Variants in OR51B5 observed in about 807,000 individuals in gnomAD.
OR51B5 encodes olfactory receptor family 51 subfamily B member 5, also known as olfactory receptor 51B5.
For missense variants in OR51B5, 456 were observed against 374.6 expected, an observed-to-expected ratio of 1.22 and a Z score of -1.79; for synonymous variants, 186 against 144.8, an observed-to-expected ratio of 1.28 and a Z score of -2.04.
chr11:5,356,204 T>C (rs929120029), intron 1 of OR51B5, among the ~76,000 whole-genome samples: 13 of 151,994 alleles, frequency 8.6e-5, no homozygotes, highest in Non-Finnish European at 1.6e-4. Flanking sequence ...CTCGAACCCA[T>C]GGCAAAAAAG....
chr11:5,362,734 G>T, intron 1 of OR51B5: 2 of 223,328 alleles, frequency 9.0e-6, no homozygotes, highest in Non-Finnish European at 9.3e-6. Context: ...TTGTTTACGA[G>T]GTCACCTCTA....
chr11:5,424,734 C>G (rs1850416427), intron 1 of OR51B5, among the ~76,000 whole-genome samples: 1 of 150,668 alleles, frequency 6.6e-6, no homozygotes, highest in Non-Finnish European at 1.5e-5. Flanking sequence ...GTAATCCCAG[C>G]ACTTTGGGAG....
intron 1 of OR51B5, chr11:5,392,709 G>A (rs11037205): frequency 0.13 from 19,374 of 152,260 alleles, 1,352 homozygotes; most frequent in Non-Finnish European, 0.16. Flanking sequence ...TCAGGAGATC[G>A]AGACCATCCT....
intron 1 of OR51B5, among the ~76,000 whole-genome samples, chr11:5,377,898 A>G (rs1267409475): frequency 2.0e-5 from 3 of 152,214 alleles, no homozygotes; most frequent in Non-Finnish European, 2.9e-5. Context: ...AAGGTAATTT[A>G]TAGATTCAAT....
intron 1 of OR51B5, among the ~76,000 whole-genome samples, chr11:5,493,468 A>C (rs1225379913): frequency 6.6e-6 from 1 of 152,246 alleles, no homozygotes; most frequent in Non-Finnish European, 1.5e-5. Flanking sequence ...ATAAAGAATT[A>C]TCTCAACTCC....
chr11:5,487,636 A>G (rs956671313), intron 1 of OR51B5, among the ~76,000 whole-genome samples: 6 of 152,182 alleles, frequency 3.9e-5, no homozygotes, highest in African/African-American at 1.2e-4. Flanking sequence ...CAATGTGTAT[A>G]ATACTAGCTA....
At chr11:5,343,657 G>GTGAT (rs1158945578), upstream of OR51B5, 15 of 542,348 alleles carry the variant, frequency 2.8e-5, no homozygotes, top group South Asian at 9.1e-5. Flanking sequence ...ATCAATATAA[G>GTGAT]TGATTGTTTC....
At chr11:5,367,440 A>T (rs1220508145) in intron 1 of OR51B5, among the ~76,000 whole-genome samples, 1 of 152,160 alleles carries the variant, frequency 6.6e-6, no homozygotes, top group African/African-American at 2.4e-5. Flanking sequence ...CAAGGGGTGG[A>T]TTATTCATGC....
chr11:5,478,811 A>T (rs1253902204), intron 1 of OR51B5, among the ~76,000 whole-genome samples: 1 of 150,504 alleles, frequency 6.6e-6, no homozygotes, highest in Non-Finnish European at 1.5e-5. Flanking sequence ...AGTTTAGAGA[A>T]AAAAGAATAA....
At chr11:5,366,502 A>T (rs1239813991) in intron 1 of OR51B5, among the ~76,000 whole-genome samples, 1 of 152,062 alleles carries the variant, frequency 6.6e-6, no homozygotes, top group Non-Finnish European at 1.5e-5. Context: ...GCAGCTACAC[A>T]GGAGGCTGAG....
rs756282970 is a variant in OR51B5 at position 5,441,358 on chromosome 11, A to G, written n.84+64211T>C. On this transcript the variant is annotated intron_variant and non_coding_transcript_variant, in intron 1 of 4. Coordinates refer to the OR51B5 transcript ENST00000415970. ...ATGGGCTGATGCAGAGCAGGCTCCC[A>G]AAACACCAGAGTGAGAATGCTGAGG... 7 of 1,614,006 alleles carry G rather than the reference A, an allele frequency of 4.3e-6. 1 individual carries two copies. In the South Asian group the frequency reaches 7.7e-5, roughly 18 times the overall value.
intron 1 of OR51B5, among the ~76,000 whole-genome samples, chr11:5,428,149 G>A (rs1850477067): frequency 6.7e-6 from 1 of 148,926 alleles, no homozygotes. Context: ...CAAAAGACAT[G>A]CTCAACAAGT....
chr11:5,460,629 G>T (rs1221467573), intron 1 of OR51B5, among the ~76,000 whole-genome samples: 1 of 152,096 alleles, frequency 6.6e-6, no homozygotes, highest in Non-Finnish European at 1.5e-5. Flanking sequence ...AGCTGGTTCA[G>T]TCACTGGTAG....
chr11:5,344,107 C>A (rs1848951404), upstream of OR51B5, among the ~76,000 whole-genome samples: 2 of 152,194 alleles, frequency 1.3e-5, no homozygotes, highest in South Asian at 4.1e-4. Flanking sequence ...GACACTTGGC[C>A]TCCAGATTTC....
chr11:5,448,299 A>G (rs978306373), intron 1 of OR51B5, among the ~76,000 whole-genome samples: 2 of 152,186 alleles, frequency 1.3e-5, no homozygotes, highest in Non-Finnish European at 2.9e-5. Context: ...GAGTCACTTA[A>G]TATGATCCAC....
chr11:5,348,405 A>G (rs1253904433), upstream of OR51B5, among the ~76,000 whole-genome samples: 1 of 152,084 alleles, frequency 6.6e-6, no homozygotes, highest in Non-Finnish European at 1.5e-5. Context: ...AGAAGTCCAG[A>G]TAAGTGCCAA....
chr11:5,385,826 A>ATTTTTT (rs1849683830), intron 1 of OR51B5, among the ~76,000 whole-genome samples: 1 of 148,868 alleles, frequency 6.7e-6, no homozygotes, highest in South Asian at 2.1e-4. Context: ...GTATATAAAG[A>ATTTTTT]ATATATAATG....
In OR51B5 at chr11:5,423,175, A is replaced by G. The variant is rs114575857; in HGVS notation, n.85-76265T>C. 2,059 of 1,559,070 alleles carry G rather than the reference A, an allele frequency of 1.3e-3. 21 individuals carry two copies. The African/African-American group carries it at 0.022, about 17-fold the overall frequency. On this transcript the variant is annotated intron_variant and non_coding_transcript_variant, in intron 1 of 4. Coordinates refer to the OR51B5 transcript ENST00000415970. ...GATGAGGGAATGCATTTCTTAAATT[A>G]CTGACAAGTATGAGTCATAGGCTTA...
intron 1 of OR51B5, chr11:5,441,046 T>A (rs925772240): frequency 3.7e-6 from 6 of 1,613,132 alleles, no homozygotes; most frequent in Non-Finnish European, 5.1e-6. Flanking sequence ...GGGAAGAGAG[T>A]GGTGAAACTC....
Sources: gnomAD v4.1 joint callset for allele counts (sites outside exome capture counted in the v4.1 genomes callset) on GRCh38, gnomAD v4.1.1 for gene constraint, MANE v1.5 for transcripts, NCBI Gene and HGNC (gene_info 2026-07-23, HGNC 2026-07-21) for gene names.